The following CTNND2 variants were observed in gnomAD, a reference collection of about 807,000 sequenced individuals.
CTNND2 encodes the protein catenin delta-2.
Under a neutral mutation model 144.4 loss-of-function variants are expected in CTNND2, and 22 were observed. The observed-to-expected ratio is 0.15, with a 90% confidence interval of 0.11 to 0.22. The LOEUF (loss-of-function observed/expected upper bound fraction) is 0.22, where lower values mean the gene tolerates loss of function less well. Among genes scored for constraint, CTNND2 ranks in the 10% least tolerant of loss-of-function variants. The pLI, the probability that CTNND2 is intolerant of heterozygous loss-of-function variation, is 1.00. For synonymous variants in CTNND2, 751 were observed against 695.6 expected (o/e 1.08, Z -1.25); for missense variants, 1,353 against 1,618.8 (o/e 0.84, Z 2.82).
chr5:11,137,286 C>A (rs1484586939), intron 12 of CTNND2, among the ~76,000 whole-genome samples: 1 of 152,110 alleles, frequency 6.6e-6, no homozygotes, highest in African/African-American at 2.4e-5. Flanking sequence ...GCATGTTGAT[C>A]TAAAGGCAGG....
chr5:11,419,938 C>T (rs1423861314), intron 3 of CTNND2, among the ~76,000 whole-genome samples: 1 of 152,084 alleles, frequency 6.6e-6, no homozygotes, highest in Non-Finnish European at 1.5e-5. Flanking sequence ...AATAAAGGTA[C>T]AGAACTATGA....
intron 2 of CTNND2, among the ~76,000 whole-genome samples, chr5:11,668,557 T>A (rs1317015607): frequency 9.4e-6 from 1 of 106,326 alleles, no homozygotes; most frequent in Non-Finnish European, 1.7e-5. Context: ...ATGATTTGGC[T>A]CTCTGTTTGT....
chr5:11,452,556 A>G (rs1765393739), intron 3 of CTNND2, among the ~76,000 whole-genome samples: 1 of 152,200 alleles, frequency 6.6e-6, no homozygotes. Flanking sequence ...TCAGGGATGA[A>G]TACCATTACC....
In CTNND2 at chr5:11,385,122, C is replaced by A; in HGVS notation, c.720G>T (p.Leu240=). The part of the protein sequence containing the change: ...FAPSLGSAFH[L]PDAPPAAAAA... ...CGGCGGCGGCGGGCGGCGCGTCGGGCAGGTGGAAGGCGCTGCCCAGGCTGG... is the reference window on the plus strand; with the variant it reads ...CGGCGGCGGCGGGCGGCGCGTCGGGAAGGTGGAAGGCGCTGCCCAGGCTGG... Residue 240 remains leucine (L), a synonymous_variant, in exon 7 of 22, where the codon CTG becomes CTT. Coordinates refer to ENST00000304623, the MANE Select transcript of CTNND2 (RefSeq NM_001332.4). 2 of 1,023,216 alleles carry A rather than the reference C, an allele frequency of 2.0e-6. No homozygotes were observed. The highest frequency in any genetic ancestry group is 2.3e-6 in the Non-Finnish European group (2 of 856,814). The allele number at this position is 1,023,216 out of a possible 1,614,324, so 63.4% of individuals were successfully genotyped here.
intron 9 of CTNND2, among the ~76,000 whole-genome samples, chr5:11,255,839 T>A (rs1744178627): frequency 6.6e-6 from 1 of 152,196 alleles, no homozygotes; most frequent in Non-Finnish European, 1.5e-5. Context: ...CATTACGTCT[T>A]GCTTTGGAAA....
intron 1 of CTNND2, among the ~76,000 whole-genome samples, chr5:11,846,295 A>T (rs1201918037): frequency 6.6e-6 from 1 of 152,174 alleles, no homozygotes; most frequent in African/African-American, 2.4e-5. Flanking sequence ...TAAAATTTTC[A>T]AATTTCAACA....
At chr5:11,124,425 T>C (rs1449795425) in intron 12 of CTNND2, among the ~76,000 whole-genome samples, 1 of 152,208 alleles carries the variant, frequency 6.6e-6, no homozygotes, top group East Asian at 1.9e-4. Context: ...TGGGAAATTA[T>C]GCCAATCATA....
At position 11,082,344 on chromosome 5, in the gene CTNND2, G is replaced by A. The variant is rs201125677; in HGVS notation, c.2788+352C>T. ...ATCCAAAATAAATTTAAAATAGAGA[G>A]GGGAAGAAAAGTAATCCTATCAGAA... On this transcript the variant is annotated intron_variant, in intron 16 of 21. Transcript: ENST00000304623. 4.6e-5 allele frequency among the ~76,000 whole-genome samples: 7 copies of A among 152,300 alleles called. No homozygotes were observed. The East Asian group carries it at 1.4e-3, about 29-fold the overall frequency.
At chr5:11,070,935 T>C (rs546713531) in intron 16 of CTNND2, among the ~76,000 whole-genome samples, 2 of 149,158 alleles carry the variant, frequency 1.3e-5, no homozygotes, top group East Asian at 4.0e-4. Context: ...ATAGTGTGTA[T>C]ATGGAGAGGG....
At chr5:11,054,687 C>T (rs1006235427) in intron 16 of CTNND2, among the ~76,000 whole-genome samples, 6 of 151,996 alleles carry the variant, frequency 3.9e-5, no homozygotes, top group African/African-American at 9.7e-5. Flanking sequence ...ATTTTCTCTG[C>T]GAAAGTTGAA....
At chr5:11,274,427 C>T (rs568486857) in intron 9 of CTNND2, among the ~76,000 whole-genome samples, 1 of 152,122 alleles carries the variant, frequency 6.6e-6, no homozygotes, top group East Asian at 1.9e-4. Context: ...TTCACATGAA[C>T]ACAGAATGGT....
At chr5:11,571,463 T>C (rs1262160554) in intron 2 of CTNND2, among the ~76,000 whole-genome samples, 1 of 152,162 alleles carries the variant, frequency 6.6e-6, no homozygotes, top group Non-Finnish European at 1.5e-5. Context: ...TCTCAAAATT[T>C]AGCAAGTAAA....
At chr5:11,861,153 A>T (rs1795486787) in intron 1 of CTNND2, among the ~76,000 whole-genome samples, 1 of 152,128 alleles carries the variant, frequency 6.6e-6, no homozygotes, top group Admixed American at 6.5e-5. Context: ...AGTGTATGTG[A>T]TGGTTTCGAG....
intron 2 of CTNND2, among the ~76,000 whole-genome samples, chr5:11,685,034 C>A (rs192461848): frequency 6.6e-6 from 1 of 152,320 alleles, no homozygotes; most frequent in Non-Finnish European, 1.5e-5. Context: ...ATTCATAGTG[C>A]AACCTAATAA....
At chr5:11,535,952 G>A (rs1317608033) in intron 3 of CTNND2, among the ~76,000 whole-genome samples, 1 of 152,142 alleles carries the variant, frequency 6.6e-6, no homozygotes, top group Non-Finnish European at 1.5e-5. Context: ...TAAAACCAAG[G>A]CCAACCTCAC....
At chr5:11,419,010 CTATATAGATGTCTATCTATATATAGA>C (rs1762128219) in intron 3 of CTNND2, among the ~76,000 whole-genome samples, 1 of 143,656 alleles carries the variant, frequency 7.0e-6, no homozygotes, top group African/African-American at 2.5e-5. Context: ...ATATATATAT[CTATATAGATGTCTATCTATATATAGA>C]TATATAGATA....
At chr5:11,189,585 G>T (rs753297640) in intron 11 of CTNND2, among the ~76,000 whole-genome samples, 24 of 152,108 alleles carry the variant, frequency 1.6e-4, no homozygotes, top group Non-Finnish European at 3.2e-4. Flanking sequence ...TTACACTGTT[G>T]TAAAAATAGA....
In CTNND2 at chr5:11,427,647, C is replaced by A. The variant is rs79402069; in HGVS notation, c.288-15578G>T. Among the ~76,000 whole-genome samples the A allele has an allele frequency of 1.8e-3, 269 of 152,214 alleles. 2 individuals carry two copies. In the East Asian group the frequency reaches 0.039, roughly 22 times the overall value. Reference sequence around the variant, plus strand: ...CATTGGGCATTGTGAAATATGTGAACATGACTGACCTCAAATGACCACTGT... The same window carrying A: ...CATTGGGCATTGTGAAATATGTGAAAATGACTGACCTCAAATGACCACTGT... On this transcript the variant is annotated intron_variant, in intron 3 of 21. Transcript: ENST00000304623.
At position 11,824,954 on chromosome 5, in the gene CTNND2, TGAG is replaced by T. The variant is rs200463190; in HGVS notation, c.37+78860_37+78862del. Among the ~76,000 whole-genome samples the T allele has an allele frequency of 2.0e-3, 304 of 152,272 alleles. 1 individual carries two copies. In the East Asian group the frequency reaches 0.032, roughly 16 times the overall value. On this transcript the variant is annotated intron_variant, in intron 1 of 21. Coordinates refer to ENST00000304623, the MANE Select transcript of CTNND2 (RefSeq NM_001332.4). ...GTACACATCTGAGCCTGTAGTGAAC[TGAG>T]GATAATACTAGCTACCACAAAACCC...
Sources: gnomAD v4.1 joint callset for allele counts (sites outside exome capture counted in the v4.1 genomes callset) on GRCh38, gnomAD v4.1.1 for gene constraint, MANE v1.5 for transcripts, NCBI Gene and HGNC (gene_info 2026-07-23, HGNC 2026-07-21) for gene names.